The following HAO2 variants were observed in gnomAD, a reference collection of about 807,000 sequenced individuals.
HAO2 encodes the protein 2-Hydroxyacid oxidase 2.
HAO2 carries 42 observed loss-of-function variants against 37.4 expected under a neutral mutation model. That is an observed-to-expected ratio of 1.12 (90% CI 0.88 to 1.45). HAO2 has a LOEUF of 1.45. Among genes scored for constraint, HAO2 ranks in the 40% most tolerant of loss-of-function variants. The probability of loss-of-function intolerance (pLI) is 0.00; values close to 1 mark genes in which losing one functional copy is unlikely to be tolerated. For synonymous variants in HAO2, 180 were observed against 162.8 expected, an observed-to-expected ratio of 1.11 and a Z score of -0.81; for missense variants, 476 against 430.2, an observed-to-expected ratio of 1.11 and a Z score of -0.94.
intron 1 of HAO2, among the ~76,000 whole-genome samples, chr1:119,377,974 G>A (rs1649613680): frequency 6.6e-6 from 1 of 152,222 alleles, no homozygotes; most frequent in Non-Finnish European, 1.5e-5. Context: ...GGCTGAGGCA[G>A]AAGAATTGCT....
intron 1 of HAO2, among the ~76,000 whole-genome samples, chr1:119,376,405 T>C (rs1649474377): frequency 6.6e-6 from 1 of 152,192 alleles, no homozygotes; most frequent in Non-Finnish European, 1.5e-5. Context: ...GGGTACAGCC[T>C]CTCTTCTGGC....
At position 119,383,079 on chromosome 1, in the gene HAO2, C is replaced by A; in HGVS notation, c.283+13C>A. 1 of 1,601,844 alleles carries A rather than the reference C, an allele frequency of 6.2e-7. No individual in the cohort carries two copies. The highest frequency in any genetic ancestry group is 8.5e-7 in the Non-Finnish European group (1 of 1,172,406). ...AGCACAGCAAGAGGTATGAACCATC[C>A]CCACCTCGAGGCTCCTTTCCGGGAG... is the stretch of plus-strand genomic sequence containing the variant. On this transcript the variant is annotated intron_variant, in intron 3 of 7. Coordinates refer to ENST00000325945, the MANE Select transcript of HAO2 (RefSeq NM_016527.4).
At chr1:119,374,310 T>C (rs934853664) in intron 1 of HAO2, among the ~76,000 whole-genome samples, 4 of 152,192 alleles carry the variant, frequency 2.6e-5, no homozygotes, top group Non-Finnish European at 5.9e-5. Context: ...TCCCATCACC[T>C]CTTTCATTCT....
At chr1:119,380,190 C>T (rs72691180) in intron 1 of HAO2, among the ~76,000 whole-genome samples, 3,755 of 152,176 alleles carry the variant, frequency 0.025, 61 homozygotes, top group Admixed American at 0.037. Flanking sequence ...GTGTCTTCAG[C>T]GTCTCTGCTG....
chr1:119,376,795 T>G (rs1649504106), intron 1 of HAO2, among the ~76,000 whole-genome samples: 1 of 152,250 alleles, frequency 6.6e-6, no homozygotes, highest in South Asian at 2.1e-4. Flanking sequence ...CAATCTGAGC[T>G]GTACTTTGGC....
intron 5 of HAO2, 36 bp from the exon 6 acceptor site, chr1:119,392,074 A>G (rs747064039): frequency 1.3e-6 from 2 of 1,568,346 alleles, no homozygotes; most frequent in Non-Finnish European, 1.7e-6. Flanking sequence ...GAGTCAAAAT[A>G]GAAAGCCCTC....
intron 1 of HAO2, among the ~76,000 whole-genome samples, chr1:119,376,993 T>C (rs1444326325): frequency 6.6e-6 from 1 of 152,234 alleles, no homozygotes; most frequent in Non-Finnish European, 1.5e-5. Flanking sequence ...TCGTTACATA[T>C]GCAAATTTCT....
rs1258818202 is a variant in HAO2 at position 119,390,227 on chromosome 1, T to G, written c.772-1883T>G. On this transcript the variant is annotated intron_variant, in intron 5 of 7. Coordinates refer to ENST00000325945, the MANE Select transcript of HAO2 (RefSeq NM_016527.4). The stretch of plus-strand genomic sequence containing the variant: ...GAATTCATGTCCAAATAAAAGACAT[T>G]TTTATAGTCCCAGCATGGTATTATT... Among the ~76,000 whole-genome samples the G allele has an allele frequency of 2.6e-5, 4 of 152,202 alleles. No homozygotes were observed. In the East Asian group the frequency reaches 7.7e-4, roughly 29 times the overall value.
chr1:119,371,586 T>C (rs1570746066), intron 1 of HAO2, among the ~76,000 whole-genome samples: 1 of 152,326 alleles, frequency 6.6e-6, no homozygotes, highest in East Asian at 1.9e-4. Context: ...CTTTCTATAG[T>C]GCTTAAGAGC....
chr1:119,391,006 A>G (rs985492334), intron 5 of HAO2, among the ~76,000 whole-genome samples: 4 of 152,084 alleles, frequency 2.6e-5, no homozygotes, highest in Non-Finnish European at 2.9e-5. Context: ...AAATAATACC[A>G]TGCTGGGACT....
chr1:119,381,187 G>C lies in HAO2; in HGVS notation c.102G>C (p.Thr34=), dbSNP rs762037511. The C allele has an allele frequency of 6.2e-6, 10 of 1,610,928 alleles. 1 individual carries two copies. In the South Asian group the frequency reaches 8.8e-5, roughly 14 times the overall value. ...AAGGTGGAGCAGATGACAGCATCAC[G>C]CGGGATGACAACATTGCAGCATTTA... The part of the protein sequence containing the change: ...FIEGGADDSI[T]RDDNIAAFKR... The change falls in exon 2 of 8, where the codon ACG becomes ACC. Residue 34 remains threonine (T), a synonymous_variant. Coordinates refer to ENST00000325945, the MANE Select transcript of HAO2 (RefSeq NM_016527.4).
rs144810302 is a variant in HAO2, at chr1:119,375,549, A to G, written c.-8-5529A>G. 5.9e-3 allele frequency among the ~76,000 whole-genome samples: 905 copies of G among 152,302 alleles called. 10 individuals carry two copies. Among genetic ancestry groups the G allele is most frequent in the African/African-American group, 0.021 (878 of 41,562 alleles). ...CCTGAAATTGAAAATGAGAATGTCT[A>G]TCTTTAGAAGCTACCAGGACACATG... On this transcript the variant is annotated intron_variant, in intron 1 of 7. Transcript: ENST00000325945.
Position 119,373,028 on chromosome 1 carries a change from C to T in HAO2, c.-9+4126C>T, listed in dbSNP as rs1172046773. Among the ~76,000 whole-genome samples, 27 of 152,212 alleles carry T rather than the reference C, an allele frequency of 1.8e-4. 2 individuals carry two copies. Among genetic ancestry groups the T allele is most frequent in the Admixed American group, 1.7e-3 (26 of 15,282 alleles). On this transcript the variant is annotated intron_variant, in intron 1 of 7. Transcript: ENST00000325945. Reference sequence around the variant, plus strand: ...AAATACACAAAAATGTATATTTTCTCAAATGAGGAAACTGAGACTTGGAGC... The same window carrying T: ...AAATACACAAAAATGTATATTTTCTTAAATGAGGAAACTGAGACTTGGAGC...
At chr1:119,384,705 G>T in intron 3 of HAO2, 71 bp from the exon 4 acceptor site, 1 of 1,276,522 alleles carries the variant, frequency 7.8e-7, no homozygotes, top group Non-Finnish European at 1.1e-6. Context: ...AGGCTACACA[G>T]ACTCCCAAGG....
chr1:119,371,840 T>C (rs1054992231), intron 1 of HAO2, among the ~76,000 whole-genome samples: 1 of 152,208 alleles, frequency 6.6e-6, no homozygotes, highest in Non-Finnish European at 1.5e-5. Context: ...GGAACCATCA[T>C]GCTGCCTCCA....
At chr1:119,373,090 A>G (rs72989674) in intron 1 of HAO2, among the ~76,000 whole-genome samples, 4,979 of 152,296 alleles carry the variant, frequency 0.033, 255 homozygotes, top group African/African-American at 0.11. Flanking sequence ...AATAAGTGTT[A>G]GTAGCTATCT....
chr1:119,386,402 C>G (rs1570784285), intron 4 of HAO2, among the ~76,000 whole-genome samples: 2 of 152,062 alleles, frequency 1.3e-5, no homozygotes, highest in Non-Finnish European at 2.9e-5. Flanking sequence ...AGCAGGGTCT[C>G]TGTGTGTTGC....
chr1:119,370,397 G>GCTTTCCACTTC (rs1648886072), intron 1 of HAO2: 1 of 152,182 alleles, frequency 6.6e-6, no homozygotes, highest in East Asian at 1.9e-4. Context: ...TCCTGAAGCA[G>GCTTTCCACTTC]CTTTCCACTT....
intron 1 of HAO2, 158 bp downstream of exon 1, chr1:119,369,060 G>A (rs943597034): frequency 6.6e-6 from 1 of 152,276 alleles, no homozygotes; most frequent in Admixed American, 6.5e-5. Flanking sequence ...AGGGAACTCA[G>A]AGGGCATGGG....
Sources: gnomAD v4.1 joint callset for allele counts (sites outside exome capture counted in the v4.1 genomes callset) on GRCh38, gnomAD v4.1.1 for gene constraint, MANE v1.5 for transcripts, NCBI Gene and HGNC (gene_info 2026-07-23, HGNC 2026-07-21) for gene names.